MTMR1: variants seen among roughly 807,000 people sequenced by gnomAD.
MTMR1 encodes phosphatidylinositol-3-phosphate phosphatase MTMR1.
MTMR1 carries 17 observed loss-of-function variants against 51.6 expected under a neutral mutation model. The ratio of observed to expected loss-of-function variants is 0.33; its 90% CI spans 0.23 to 0.49. The LOEUF (loss-of-function observed/expected upper bound fraction) is 0.49, where lower values mean the gene tolerates loss of function less well. MTMR1 is among the 20% of genes least tolerant of loss of function. MTMR1 has a pLI of 0.99. For missense variants in MTMR1, 386 were observed against 526.9 expected, an observed-to-expected ratio of 0.73 and a Z score of 2.62; for synonymous variants, 201 against 205.6, an observed-to-expected ratio of 0.98 and a Z score of 0.19.
intron 4 of MTMR1, among the ~76,000 whole-genome samples, chrX:150,723,769 C>G (rs188120037): frequency 1.8e-5 from 2 of 111,661 alleles, no homozygotes; most frequent in Non-Finnish European, 3.8e-5. Context: ...CTGTTGTTCC[C>G]TTCTTTGCGT....
In MTMR1 at chrX:150,762,802, C is replaced by T. The variant is rs2043185976; in HGVS notation, c.*73C>T. On this transcript the variant is annotated 3_prime_UTR_variant, in exon 16 of 16. Coordinates refer to ENST00000445323, the MANE Select transcript of MTMR1 (RefSeq NM_001306144.3). ...AGGGACCTGGCGATCACTGTTATGG[C>T]TGTAGCTTGTGATCTTGTCTTTTAG... 9.6e-7 allele frequency: 1 copy of T among 1,046,290 alleles called. No individual in the cohort carries two copies. Among genetic ancestry groups the T allele is most frequent in the Non-Finnish European group, 1.3e-6 (1 of 794,357 alleles). The allele number at this position is 1,046,290 out of a possible 1,213,427, so 86.2% of individuals were successfully genotyped here. A position where few individuals can be genotyped will look rare whatever the true frequency, so the allele number is the denominator to read the frequency against.
intron 15 of MTMR1, among the ~76,000 whole-genome samples, chrX:150,761,587 T>G (rs941542230): frequency 1.8e-5 from 2 of 112,739 alleles, no homozygotes; most frequent in Non-Finnish European, 3.8e-5. Context: ...AAGTGGCCAG[T>G]CACATGGCCT....
In MTMR1 at chrX:150,764,979, G is replaced by A. The variant is rs375047651; in HGVS notation, c.*2250G>A. On this transcript the variant is annotated 3_prime_UTR_variant, in exon 16 of 16. Coordinates refer to ENST00000445323, the MANE Select transcript of MTMR1 (RefSeq NM_001306144.3). ...AAGTATCTTAGTAGATTTTTCCTTTGAGGAAAATCGGTAATAAAATAACAT... is the reference window on the plus strand; with the variant it reads ...AAGTATCTTAGTAGATTTTTCCTTTAAGGAAAATCGGTAATAAAATAACAT... 2.7e-5 allele frequency: 3 copies of A among 112,225 alleles called. No homozygotes were observed. The East Asian group carries it at 8.4e-4, about 31-fold the overall frequency. The allele number at this position is 112,225 out of a possible 1,213,427, so 9.2% of individuals were successfully genotyped here.
intron 1 of MTMR1, among the ~76,000 whole-genome samples, chrX:150,695,095 G>T (rs2040624266): frequency 8.9e-6 from 1 of 112,339 alleles, no homozygotes; most frequent in South Asian, 3.7e-4. Context: ...CAGATACCTG[G>T]GGGTGATAGT....
In MTMR1 at chrX:150,729,221, CA is replaced by C. The variant is rs1557416884; in HGVS notation, c.556-887del. Among the ~76,000 whole-genome samples the C allele has an allele frequency of 5.0e-3, 510 of 102,677 alleles. 1 individual carries two copies. The highest frequency in any genetic ancestry group is 0.019 in the African/African-American group (486 of 25,750). The allele number at this position is 102,677 out of a possible 115,157, so 89.2% of individuals were successfully genotyped here. On this transcript the variant is annotated intron_variant, in intron 6 of 15. Transcript: ENST00000445323. ...GGTTCATACTTGACACACCCACCCA[CA>C]CACACACACACACACACACACACAT...
rs1387288939 is a variant in MTMR1 at position 150,763,809 on chromosome X, A to G, written c.*1080A>G. ...CCTTGGTTTTCCCTTCCCAGAGCCG[A>G]CCGCAGCTGGTCAGCCCTCTCTTCC... On this transcript the variant is annotated 3_prime_UTR_variant, in exon 16 of 16. Transcript: ENST00000445323. 8.9e-6 allele frequency: 1 copy of G among 112,680 alleles called. No homozygotes were observed. Among genetic ancestry groups the G allele is most frequent in the African/African-American group, 3.2e-5 (1 of 31,030 alleles). 9.3% of individuals were successfully genotyped at this position (112,680 alleles called of 1,213,427 possible).
chrX:150,756,897 C>T (rs927824541), intron 15 of MTMR1, among the ~76,000 whole-genome samples: 3 of 111,902 alleles, frequency 2.7e-5, no homozygotes, highest in African/African-American at 9.8e-5. Context: ...GTGATCCGCC[C>T]GCCTCGGCCT....
intron 11 of MTMR1, 44 bp downstream of exon 11, chrX:150,736,824 T>C: frequency 9.0e-7 from 1 of 1,107,291 alleles, no homozygotes; most frequent in Non-Finnish European, 1.2e-6. Flanking sequence ...TTAAGACTTC[T>C]TTGTGCCTGT....
intron 10 of MTMR1, chrX:150,735,838 G>A (rs1488931565): frequency 5.5e-6 from 1 of 180,632 alleles, no homozygotes; most frequent in Non-Finnish European, 1.0e-5. Flanking sequence ...ATTGACTGTA[G>A]TCACCATGTT....
chrX:150,752,470 T>C (rs1481315560), intron 14 of MTMR1, among the ~76,000 whole-genome samples: 4 of 111,138 alleles, frequency 3.6e-5, no homozygotes, highest in Non-Finnish European at 7.5e-5. Flanking sequence ...CCCAGTGTGA[T>C]GGGGACTTGC....
chrX:150,708,439 T>A (rs1377273994), intron 2 of MTMR1, among the ~76,000 whole-genome samples: 1 of 111,644 alleles, frequency 9.0e-6, no homozygotes, highest in Non-Finnish European at 1.9e-5. Context: ...ATTGTGTTTC[T>A]TATGTTAGAT....
intron 2 of MTMR1, among the ~76,000 whole-genome samples, chrX:150,711,585 G>T (rs2041307968): frequency 8.9e-6 from 1 of 112,025 alleles, no homozygotes; most frequent in Admixed American, 9.4e-5. Context: ...GTTCAATTAG[G>T]ATTCACAGGC....
At chrX:150,758,113 C>T (rs1459773852) in intron 15 of MTMR1, among the ~76,000 whole-genome samples, 1 of 111,091 alleles carries the variant, frequency 9.0e-6, no homozygotes, top group Non-Finnish European at 1.9e-5. Flanking sequence ...TGCTGCAGGC[C>T]AGTTCCCCCT....
chrX:150,761,739 C>A (rs1258357645), intron 15 of MTMR1, among the ~76,000 whole-genome samples: 2 of 112,327 alleles, frequency 1.8e-5, no homozygotes, highest in African/African-American at 6.5e-5. Context: ...GCCTTGCCCC[C>A]AGCCAAAGAG....
At chrX:150,723,968 A>G (rs2041842929) in intron 4 of MTMR1, among the ~76,000 whole-genome samples, 1 of 112,284 alleles carries the variant, frequency 8.9e-6, no homozygotes, top group Non-Finnish European at 1.9e-5. Context: ...TATTTTATTT[A>G]TCCAATCTGG....
intron 10 of MTMR1, among the ~76,000 whole-genome samples, chrX:150,734,017 A>C (rs2042193078): frequency 8.9e-6 from 1 of 112,236 alleles, no homozygotes; most frequent in South Asian, 3.7e-4. Context: ...AAATGTATTG[A>C]TCACAATTCT....
intron 13 of MTMR1, among the ~76,000 whole-genome samples, chrX:150,745,735 C>A (rs957496958): frequency 1.8e-5 from 2 of 112,155 alleles, no homozygotes; most frequent in Admixed American, 1.9e-4. Flanking sequence ...TGGAGACAGG[C>A]TTAGGTGTGT....
chrX:150,746,718 G>A (rs2042584597), intron 13 of MTMR1, among the ~76,000 whole-genome samples: 2 of 112,026 alleles, frequency 1.8e-5, no homozygotes, highest in African/African-American at 6.5e-5. Flanking sequence ...TGTCATTTTT[G>A]TGCTTTTATT....
chrX:150,750,826 C>G lies in MTMR1; in HGVS notation c.1663C>G (p.Gln555Glu). 1 of 1,198,657 alleles carries G rather than the reference C, an allele frequency of 8.3e-7. No homozygotes were observed. The highest frequency in any genetic ancestry group is 1.1e-6 in the Non-Finnish European group (1 of 884,904). ...LFGTFLCNCE[Q>E]QRFKEDVYTK... ...TGGGACCTTTTTGTGCAACTGTGAA[C>G]AGCAGCGATTCAAAGAGGTGAGTAT... The change falls in exon 14 of 16, where the codon CAG becomes GAG. Residue 555 changes from glutamine to glutamate, a missense_variant. Transcript: ENST00000445323.
Sources: gnomAD v4.1 joint callset for allele counts (sites outside exome capture counted in the v4.1 genomes callset) on GRCh38, gnomAD v4.1.1 for gene constraint, MANE v1.5 for transcripts, NCBI Gene and HGNC (gene_info 2026-07-23, HGNC 2026-07-21) for gene names.